The following ATAD2B variants were observed in gnomAD, a reference collection of about 807,000 sequenced individuals.
ATAD2B encodes the protein ATPase family AAA domain-containing protein 2B.
ATAD2B carries 40 observed loss-of-function variants against 167.6 expected under a neutral mutation model. The ratio of observed to expected loss-of-function variants is 0.24; its 90% CI spans 0.19 to 0.31. ATAD2B has a LOEUF of 0.31. ATAD2B is among the 10% of genes least tolerant of loss of function. The pLI is 1.00. For missense variants in ATAD2B, 1,242 were observed against 1,757.2 expected (o/e 0.71, Z 5.24); for synonymous variants, 579 against 596.5 (o/e 0.97, Z 0.43).
the ATAD2B span, chr2:23,696,750 C>A: frequency 2.2e-6 from 1 of 463,878 alleles, no homozygotes; most frequent in Non-Finnish European, 3.8e-6. The surrounding 1 kb of genome is among the most constrained non-coding windows in gnomAD (Gnocchi z 5.5). Flanking sequence ...GGAGATGGGG[C>A]GCTTCTGTCC....
intron 1 of ATAD2B, among the ~76,000 whole-genome samples, chr2:23,921,138 G>A (rs545239413): frequency 9.1e-4 from 131 of 144,086 alleles, no homozygotes; most frequent in African/African-American, 3.1e-3. Flanking sequence ...CCTGGGAAGC[G>A]GAGGTTGCAG....
At chr2:23,853,982 A>T (rs1225882664) in intron 13 of ATAD2B, among the ~76,000 whole-genome samples, 1 of 152,262 alleles carries the variant, frequency 6.6e-6, no homozygotes, top group East Asian at 1.9e-4. Context: ...ATGGTGGCTC[A>T]TGCCTGTAAT....
At chr2:23,811,176 AT>A (rs1685533246) in intron 17 of ATAD2B, 1 of 152,218 alleles carries the variant, frequency 6.6e-6, no homozygotes, top group Non-Finnish European at 1.5e-5. Context: ...CCAAGGTTAA[AT>A]GTTAGGAATC....
Position 23,754,162 on chromosome 2 carries a change from ATAAAC to A in ATAD2B, c.4335+12_4335+16del. ...AATCAAGTATTTGTTTATTCTACAG[ATAAAC>A]TAAACACTTACCTCTACAAGTTGTG... On this transcript the variant is annotated intron_variant, in intron 27 of 27. Transcript: ENST00000238789. 1.3e-6 allele frequency: 2 copies of A among 1,489,334 alleles called. No homozygotes were observed. The highest frequency in any genetic ancestry group is 1.4e-5 in the African/African-American group (1 of 69,138). The allele number at this position is 1,489,334 out of a possible 1,614,324, so 92.3% of individuals were successfully genotyped here.
intron 27 of ATAD2B, among the ~76,000 whole-genome samples, chr2:23,753,350 T>G (rs191931859): frequency 4.6e-5 from 7 of 152,308 alleles, no homozygotes; most frequent in African/African-American, 1.7e-4. Flanking sequence ...TTACTCATTT[T>G]TTGCATTCCA....
intron 1 of ATAD2B, among the ~76,000 whole-genome samples, chr2:23,923,356 T>C (rs1007988377): frequency 3.9e-5 from 6 of 152,084 alleles, no homozygotes; most frequent in Admixed American, 1.3e-4. Context: ...CAGGGTCTTG[T>C]GGGGGGACAA....
At chr2:23,682,242 T>C in the ATAD2B span, among the ~76,000 whole-genome samples, 1 of 152,202 alleles carries the variant, frequency 6.6e-6, no homozygotes, top group Non-Finnish European at 1.5e-5. This position sits in a 1 kb window ranked among gnomAD's most constrained non-coding sequence, Gnocchi z 4.1. Context: ...TCAGCAGCAC[T>C]GCACACTCCC....
At chr2:23,777,057 G>C (rs1445026337) in intron 22 of ATAD2B, among the ~76,000 whole-genome samples, 7 of 152,094 alleles carry the variant, frequency 4.6e-5, no homozygotes, top group Admixed American at 4.6e-4. Context: ...CTTACAAGGA[G>C]AGAAAATTTG....
At chr2:23,833,840 TA>T in intron 14 of ATAD2B, 78 bp downstream of exon 14, 1 of 1,130,750 alleles carries the variant, frequency 8.8e-7, no homozygotes, top group Non-Finnish European at 1.2e-6. Context: ...TGAAAATTCA[TA>T]AAATATCACC....
chr2:23,696,289 C>T, the ATAD2B span: 1 of 1,541,366 alleles, frequency 6.5e-7, no homozygotes, highest in Non-Finnish European at 8.8e-7. The surrounding 1 kb of genome is among the most constrained non-coding windows in gnomAD (Gnocchi z 5.5). Flanking sequence ...CCCCAGGCCC[C>T]TCCTCACCCC....
At chr2:23,911,564 C>G (rs1035483230) in intron 1 of ATAD2B, among the ~76,000 whole-genome samples, 4 of 134,176 alleles carry the variant, frequency 3.0e-5, no homozygotes, top group South Asian at 2.3e-4. Context: ...CAAAAAGAAA[C>G]GAGAAGAAGA....
intron 17 of ATAD2B, among the ~76,000 whole-genome samples, chr2:23,812,601 G>T (rs762362435): frequency 6.6e-6 from 1 of 152,062 alleles, no homozygotes; most frequent in Non-Finnish European, 1.5e-5. Flanking sequence ...AGTGGCTCAC[G>T]CCTGTAATCC....
At chr2:23,802,390 C>A (rs1683639855) in intron 18 of ATAD2B, among the ~76,000 whole-genome samples, 1 of 151,930 alleles carries the variant, frequency 6.6e-6, no homozygotes, top group East Asian at 1.9e-4. Flanking sequence ...AAAGAAGGCA[C>A]TGTCTGGATT....
chr2:23,835,845 A>AG (rs1689850772), intron 13 of ATAD2B, among the ~76,000 whole-genome samples: 2 of 152,070 alleles, frequency 1.3e-5, no homozygotes, highest in Admixed American at 1.3e-4. Context: ...CTGAGGCAGG[A>AG]GAATCACTTG....
chr2:23,698,611 A>G, the ATAD2B span, among the ~76,000 whole-genome samples: 1 of 152,232 alleles, frequency 6.6e-6, no homozygotes, highest in Non-Finnish European at 1.5e-5. Context: ...GCAAGATTAT[A>G]TAATTATAGA....
chr2:23,792,962 CAAAAAAAAAA>C (rs36015161), intron 19 of ATAD2B, among the ~76,000 whole-genome samples: 185 of 42,546 alleles, frequency 4.3e-3, no homozygotes, highest in Admixed American at 0.014. Flanking sequence ...GACTCTGTCT[CAAAAAAAAAA>C]AAAAAAAAAA....
chr2:23,678,071 A>G, the ATAD2B span, among the ~76,000 whole-genome samples: 1 of 152,188 alleles, frequency 6.6e-6, no homozygotes, highest in Non-Finnish European at 1.5e-5. Context: ...CATCTCATAC[A>G]GCCCTTATAG....
the ATAD2B span, among the ~76,000 whole-genome samples, chr2:23,688,274 T>TG: frequency 6.6e-6 from 1 of 152,184 alleles, no homozygotes; most frequent in African/African-American, 2.4e-5. Flanking sequence ...CGCCCAGGCG[T>TG]TCATTCATGG....
chr2:23,738,400 T>A, the ATAD2B span, among the ~76,000 whole-genome samples: 4 of 152,204 alleles, frequency 2.6e-5, no homozygotes, highest in Non-Finnish European at 4.4e-5. Flanking sequence ...ATATTCAACA[T>A]TCTTAAAGAA....
Sources: gnomAD v4.1 joint callset for allele counts (sites outside exome capture counted in the v4.1 genomes callset) on GRCh38, gnomAD v4.1.1 for gene constraint, Gnocchi (gnomAD v3.1) non-coding constraint, MANE v1.5 for transcripts, NCBI Gene and HGNC (gene_info 2026-07-23, HGNC 2026-07-21) for gene names.